The following IL12RB2 variants were observed in gnomAD, a reference collection of about 807,000 sequenced individuals.
IL12RB2 encodes interleukin-12 receptor subunit beta-2.
A neutral mutation model predicts 89.4 loss-of-function variants in IL12RB2; 82 were observed. The observed-to-expected ratio is 0.92, with a 90% CI of 0.77 to 1.10. IL12RB2 has a LOEUF of 1.10. Ranked by LOEUF, IL12RB2 falls within the 50% of genes least tolerant of loss-of-function variation. IL12RB2 has a pLI of 0.00. For missense variants in IL12RB2, 963 were observed against 1,031.9 expected, an observed-to-expected ratio of 0.93 and a Z score of 0.92; for synonymous variants, 368 against 370.1, an observed-to-expected ratio of 0.99 and a Z score of 0.07.
intron 10 of IL12RB2, among the ~76,000 whole-genome samples, chr1:67,362,009 G>A (rs1263774184): frequency 2.6e-5 from 4 of 152,146 alleles, no homozygotes; most frequent in Admixed American, 6.5e-5. Context: ...GGTGGCTCAC[G>A]CGTGTAATCC....
chr1:67,357,509 C>G (rs1661535794), intron 10 of IL12RB2, among the ~76,000 whole-genome samples: 1 of 152,160 alleles, frequency 6.6e-6, no homozygotes, highest in South Asian at 2.1e-4. Context: ...TTTGAAGTTT[C>G]TAATATACTT....
chr1:67,322,011 G>A (rs1656605397), intron 4 of IL12RB2, 122 bp downstream of exon 4: 3 of 867,542 alleles, frequency 3.5e-6, no homozygotes, highest in African/African-American at 1.7e-5. Flanking sequence ...CCACCACATT[G>A]AAGTATTTTA....
intron 13 of IL12RB2, among the ~76,000 whole-genome samples, chr1:67,374,765 C>G (rs2101030478): frequency 6.8e-6 from 1 of 147,104 alleles, no homozygotes; most frequent in South Asian, 2.2e-4. Flanking sequence ...CGTGAGCCAC[C>G]CAGCCCAGCC....
In IL12RB2 at chr1:67,395,917, A is replaced by G. The variant is rs1185561598; in HGVS notation, c.2417A>G (p.Asp806Gly). The G allele has an allele frequency of 6.2e-7, 1 of 1,611,458 alleles. No individual in the cohort carries two copies. ...THDGYLPSNI[D>G]DLPSHEAPLA... ...GATGGCTACTTACCCTCCAACATAG[A>G]TGACCTCCCCTCACATGAGGCACCT... is the stretch of plus-strand genomic sequence containing the variant. Residue 806 changes from aspartate to glycine, a missense_variant, in exon 17 of 17, where the codon GAT becomes GGT. Coordinates refer to ENST00000674203, the MANE Select transcript of IL12RB2 (RefSeq NM_001374259.2).
intron 10 of IL12RB2, among the ~76,000 whole-genome samples, chr1:67,361,440 G>T (rs1006666762): frequency 3.3e-5 from 5 of 152,114 alleles, no homozygotes; most frequent in East Asian, 1.9e-4. Flanking sequence ...GATGGACAGG[G>T]TAATCAGAGA....
chr1:67,321,839 G>C lies in IL12RB2; in HGVS notation c.314G>C (p.Cys105Ser). Reference sequence around the variant, plus strand: ...ACCTTGTTTGTCTGCAAACTGGCCTGTATCAATAGTGATGAAATTCAAATA... The same window carrying C: ...ACCTTGTTTGTCTGCAAACTGGCCTCTATCAATAGTGATGAAATTCAAATA... ...GTTLFVCKLA[C>S]INSDEIQICG... The change falls in exon 4 of 17, where the codon TGT (cysteine) becomes TCT (serine). Residue 105 changes from cysteine (C) to serine (S), a missense_variant. Coordinates refer to ENST00000674203, the MANE Select transcript of IL12RB2 (RefSeq NM_001374259.2). 1.2e-6 allele frequency: 2 copies of C among 1,613,732 alleles called. No individual in the cohort carries two copies. Among genetic ancestry groups the C allele is most frequent in the Non-Finnish European group, 1.7e-6 (2 of 1,179,640 alleles).
rs1000379133 is a variant in IL12RB2 at position 67,390,220 on chromosome 1, T to C, written c.2046+92T>C. ...TGTAGTTACGAGGAAGCCTGGGTGC[T>C]GAGATCCTATGGTTGAGCTTAAGTT... On this transcript the variant is annotated intron_variant, in intron 16 of 16. Transcript: ENST00000674203. 3.3e-5 allele frequency: 25 copies of C among 759,390 alleles called. No homozygotes were observed. The African/African-American group carries it at 3.8e-4, about 11-fold the overall frequency. 47.0% of individuals were successfully genotyped at this position (759,390 alleles called of 1,614,324 possible).
At chr1:67,375,753 T>TG (rs1663891868) in intron 13 of IL12RB2, among the ~76,000 whole-genome samples, 1 of 151,872 alleles carries the variant, frequency 6.6e-6, no homozygotes, top group Non-Finnish European at 1.5e-5. Context: ...GTTATATGGG[T>TG]GGTTCTGTGC....
chr1:67,348,682 AC>A (rs1660501123), intron 9 of IL12RB2, among the ~76,000 whole-genome samples: 1 of 150,598 alleles, frequency 6.6e-6, no homozygotes, highest in South Asian at 2.1e-4. Context: ...AAAAAAAAAA[AC>A]CCTGAACTGA....
intron 13 of IL12RB2, among the ~76,000 whole-genome samples, chr1:67,378,106 G>C (rs1664171848): frequency 6.8e-6 from 1 of 146,900 alleles, no homozygotes; most frequent in South Asian, 2.3e-4. Context: ...GACAGAGTGA[G>C]ACTCCATCTT....
At chr1:67,308,190 G>T (rs149471278) in intron 1 of IL12RB2, among the ~76,000 whole-genome samples, 61 of 152,188 alleles carry the variant, frequency 4.0e-4, no homozygotes, top group African/African-American at 1.4e-3. Flanking sequence ...GGGCACAGAT[G>T]TTCACTTGGA....
chr1:67,337,216 T>C (rs1658886424), intron 8 of IL12RB2, among the ~76,000 whole-genome samples: 2 of 152,142 alleles, frequency 1.3e-5, no homozygotes, highest in African/African-American at 2.4e-5. Context: ...TGGGACTTAA[T>C]TTTCTAGAAA....
At chr1:67,388,448 C>A (rs992455895) in intron 15 of IL12RB2, among the ~76,000 whole-genome samples, 1 of 152,086 alleles carries the variant, frequency 6.6e-6, no homozygotes, top group Non-Finnish European at 1.5e-5. Context: ...TGGGTTCAAT[C>A]GATTCTCCTG....
intron 2 of IL12RB2, among the ~76,000 whole-genome samples, chr1:67,316,454 T>TGTGTGTGTGTG: frequency 1.0e-5 from 1 of 95,870 alleles, no homozygotes; most frequent in Non-Finnish European, 2.3e-5. Flanking sequence ...GTGTGTGTGT[T>TGTGTGTGTGTG]AATGTCACTC....
chr1:67,330,572 T>C, intron 7 of IL12RB2, 88 bp from the exon 8 acceptor site: 1 of 634,534 alleles, frequency 1.6e-6, no homozygotes. Context: ...TCAAATAGCC[T>C]GGGTTTTTTT....
intron 8 of IL12RB2, among the ~76,000 whole-genome samples, chr1:67,332,134 G>C (rs577313505): frequency 6.6e-6 from 1 of 152,156 alleles, no homozygotes; most frequent in Non-Finnish European, 1.5e-5. Context: ...TTCAAGGAAC[G>C]GAAGGGCCTT....
chr1:67,366,663 T>C (rs1370514180), intron 10 of IL12RB2, among the ~76,000 whole-genome samples: 1 of 152,188 alleles, frequency 6.6e-6, no homozygotes, highest in Non-Finnish European at 1.5e-5. Flanking sequence ...TAAAATAATA[T>C]GTGAATTTGC....
At position 67,394,165 on chromosome 1, in the gene IL12RB2, G is replaced by C. The variant is rs528040741; in HGVS notation, c.2047-1382G>C. 2.3e-4 allele frequency among the ~76,000 whole-genome samples: 35 copies of C among 152,288 alleles called. 1 individual carries two copies. The highest frequency in any genetic ancestry group is 7.2e-4 in the Admixed American group (11 of 15,296). ...AGTAAGACCGGGACAGTGGTTGAAA[G>C]AGCAGCTTCTGAAGAGAAAGACAGA... is the stretch of plus-strand genomic sequence containing the variant. On this transcript the variant is annotated intron_variant, in intron 16 of 16. Transcript: ENST00000674203.
At position 67,367,915 on chromosome 1, in the gene IL12RB2, C is replaced by G. The variant is rs777100588; in HGVS notation, c.1349C>G (p.Ala450Gly). ...CAGCCTCCCAGGAAAGATCCCTCTG[C>G]TGTTCAGGAGTACGTGGTGGAATGG... The part of the protein sequence containing the change: ...TWQPPRKDPS[A>G]VQEYVVEWRE... The change falls in exon 11 of 17, where the codon GCT (alanine) becomes GGT (glycine). Residue 450 changes from alanine (A) to glycine (G), a missense_variant. Coordinates refer to ENST00000674203, the MANE Select transcript of IL12RB2 (RefSeq NM_001374259.2). 41 of 1,605,482 alleles carry G rather than the reference C, an allele frequency of 2.6e-5. No homozygotes were observed. Among genetic ancestry groups the G allele is most frequent in the Non-Finnish European group, 3.3e-5 (39 of 1,172,046 alleles).
Sources: gnomAD v4.1 joint callset for allele counts (sites outside exome capture counted in the v4.1 genomes callset) on GRCh38, gnomAD v4.1.1 for gene constraint, MANE v1.5 for transcripts, NCBI Gene and HGNC (gene_info 2026-07-23, HGNC 2026-07-21) for gene names.